Variants in NTF4 observed in about 807,000 individuals in gnomAD.
NTF4 encodes the protein neurotrophin-4.
NTF4 carries 2 observed loss-of-function variants against 4.4 expected under a neutral mutation model. That is an observed-to-expected ratio of 0.46 (90% confidence interval 0.19 to 1.44). NTF4 has a LOEUF of 1.44. Ranked by LOEUF, NTF4 falls within the 40% of genes most tolerant of loss-of-function variation. The pLI, the probability that NTF4 is intolerant of heterozygous loss-of-function variation, is 0.26. For missense variants in NTF4, 260 were observed against 293.0 expected (o/e 0.89, Z 0.82); for synonymous variants, 127 against 122.0 (o/e 1.04, Z -0.27).
chr19:49,064,482 C>T (rs1330903966), upstream of NTF4: 2 of 160,630 alleles, frequency 1.2e-5, no homozygotes, highest in Non-Finnish European at 2.7e-5. Flanking sequence ...GCCCTCCTCT[C>T]TCAGACCCAG....
chr19:49,060,827 T>A (rs1431065400), downstream of NTF4: 2 of 174,154 alleles, frequency 1.1e-5, no homozygotes, highest in African/African-American at 4.8e-5. Context: ...CAGAATATTC[T>A]AAGTCAACCT....
downstream of NTF4, chr19:49,058,659 T>C (rs532753982): frequency 1.0e-4 from 32 of 307,428 alleles, 1 homozygote; most frequent in South Asian, 6.5e-4. Context: ...ATGCCATGGG[T>C]AACGTAGCTG....
chr19:49,061,893 C>T lies in NTF4; in HGVS notation c.105G>A (p.Leu35=), dbSNP rs2040153080. The T allele has an allele frequency of 6.6e-7, 1 of 1,519,632 alleles. No homozygotes were observed. 94.1% of individuals were successfully genotyped at this position (1,519,632 alleles called of 1,614,324 possible). A position where few individuals can be genotyped will look rare whatever the true frequency, so the allele number is the denominator to read the frequency against. ...GGGAGAGAAGGTCCCACTCAGGGGCCAGAAAAGGGGGCAATGTTGAGGGTG... is the reference window on the plus strand; with the variant it reads ...GGGAGAGAAGGTCCCACTCAGGGGCTAGAAAAGGGGGCAATGTTGAGGGTG... The change falls in exon 1 of 1, where the codon CTG becomes CTA. Residue 35 remains leucine, a synonymous_variant. Transcript: ENST00000593537. The surrounding 1 kb of genome is among the most constrained non-coding windows in gnomAD (Gnocchi z 4.9).
At position 49,061,907 on chromosome 19, in the gene NTF4, A is replaced by G; in HGVS notation, c.91T>C (p.Leu31=). ...CACTCAGGGGCCAGAAAAGGGGGCA[A>G]TGTTGAGGGTGGGGGTTGGGACTCA... The change falls in exon 1 of 1, where the codon TTG becomes CTG. Residue 31 remains leucine (L), a synonymous_variant. Transcript: ENST00000593537. This position sits in a 1 kb window ranked among gnomAD's most constrained non-coding sequence, Gnocchi z 4.9. 1 of 1,487,376 alleles carries G rather than the reference A, an allele frequency of 6.7e-7. No homozygotes were observed. The highest frequency in any genetic ancestry group is 9.1e-7 in the Non-Finnish European group (1 of 1,096,690). The allele number at this position is 1,487,376 out of a possible 1,614,324, so 92.1% of individuals were successfully genotyped here.
chr19:49,063,847 G>A (rs1030638911), upstream of NTF4: 38 of 152,342 alleles, frequency 2.5e-4, no homozygotes, highest in African/African-American at 8.4e-4. Context: ...TCTCAGGAGA[G>A]GGAGGGGGCA....
chr19:49,061,514 C>T lies in NTF4; in HGVS notation c.484G>A (p.Asp162Asn). ...CACTCAGATACCCAGTGCCTCCTGT[C>T]CACTCCCCGGCAGCCCCCTCCACCT... Residue 162 changes from aspartate to asparagine, a missense_variant, in exon 1 of 1, where the codon GAC becomes AAC. Transcript: ENST00000593537. The surrounding 1 kb of genome is among the most constrained non-coding windows in gnomAD (Gnocchi z 4.9). 1.2e-6 allele frequency: 2 copies of T among 1,614,184 alleles called. No homozygotes were observed. Among genetic ancestry groups the T allele is most frequent in the Non-Finnish European group, 1.7e-6 (2 of 1,180,032 alleles).
chr19:49,064,973 C>G (rs905902200), upstream of NTF4: 30 of 152,322 alleles, frequency 2.0e-4, no homozygotes, highest in African/African-American at 6.3e-4. Context: ...CTTCGGCTCC[C>G]GCGGCTGCCC....
At chr19:49,060,002 A>C (rs2040113167), downstream of NTF4, among the ~76,000 whole-genome samples, 1 of 125,160 alleles carries the variant, frequency 8.0e-6, no homozygotes, top group Admixed American at 1.0e-4. Context: ...ACACCACTGC[A>C]CTCCAGCCTG....
At chr19:49,058,470 T>G, downstream of NTF4, 1 of 602,518 alleles carries the variant, frequency 1.7e-6, no homozygotes, top group Admixed American at 3.3e-5. Context: ...GCATCCAAAT[T>G]CCCTGGCGCC....
upstream of NTF4, among the ~76,000 whole-genome samples, chr19:49,062,893 G>A (rs1008069021): frequency 4.6e-5 from 7 of 152,290 alleles, no homozygotes; most frequent in Middle Eastern, 3.4e-3. Context: ...TTTGTGCCCG[G>A]TCACACAGCC....
At chr19:49,059,103 C>A (rs2040102216), downstream of NTF4, among the ~76,000 whole-genome samples, 1 of 152,120 alleles carries the variant, frequency 6.6e-6, no homozygotes, top group African/African-American at 2.4e-5. Context: ...CTGCCCCCAG[C>A]ACCTCAGGAC....
downstream of NTF4, among the ~76,000 whole-genome samples, chr19:49,059,786 G>T (rs1011354797): frequency 2.6e-5 from 4 of 152,066 alleles, no homozygotes; most frequent in Non-Finnish European, 5.9e-5. Flanking sequence ...AGTGGCTCAT[G>T]CCCGTAATCC....
At chr19:49,059,085 C>T (rs746645513), downstream of NTF4, among the ~76,000 whole-genome samples, 1 of 152,062 alleles carries the variant, frequency 6.6e-6, no homozygotes, top group Non-Finnish European at 1.5e-5. Context: ...CAGACAGAGA[C>T]CCCTGCACTG....
In NTF4 at chr19:49,061,651, C is replaced by T. The variant is rs774223674; in HGVS notation, c.347G>A (p.Arg116His). 9.9e-6 allele frequency: 16 copies of T among 1,613,558 alleles called. No homozygotes were observed. Among genetic ancestry groups the T allele is most frequent in the African/African-American group, 5.3e-5 (4 of 74,946 alleles). The stretch of plus-strand genomic sequence containing the variant: ...CACCTCGCCCAACACCTCCACCTCG[C>T]GCCCACGCAAGTCCACAGCGGTCCG... Residue 116 changes from arginine (R) to histidine (H), a missense_variant, in exon 1 of 1, where the codon CGC becomes CAC. By Grantham distance (29) the Arg-to-His change is conservative. Transcript: ENST00000593537. This position sits in a 1 kb window ranked among gnomAD's most constrained non-coding sequence, Gnocchi z 4.9.
downstream of NTF4, chr19:49,060,643 T>TG (rs2040119934): frequency 6.6e-6 from 1 of 152,144 alleles, no homozygotes; most frequent in African/African-American, 2.4e-5. Flanking sequence ...GCCATCAAGC[T>TG]GGAAAATTTT....
downstream of NTF4, chr19:49,058,332 G>T (rs1354387794): frequency 6.8e-7 from 1 of 1,465,732 alleles, no homozygotes; most frequent in South Asian, 1.4e-5. Flanking sequence ...GAGGTAGAGG[G>T]TCCGCGACCG....
At chr19:49,058,464 C>T (rs2040094403), downstream of NTF4, 4 of 617,254 alleles carry the variant, frequency 6.5e-6, no homozygotes, top group Admixed American at 6.6e-5. Context: ...TCCCTGGCAT[C>T]CAAATTCCCT....
downstream of NTF4, among the ~76,000 whole-genome samples, chr19:49,059,239 G>A (rs1432023467): frequency 2.0e-5 from 3 of 152,058 alleles, no homozygotes; most frequent in East Asian, 5.8e-4. Context: ...AACCCTTCCC[G>A]CACGTGCTGA....
upstream of NTF4, chr19:49,063,868 G>A (rs1421621136): frequency 6.6e-6 from 1 of 152,168 alleles, no homozygotes; most frequent in African/African-American, 2.4e-5. Flanking sequence ...ACCACCTAGG[G>A]GAAGAAAAGA....
Sources: gnomAD v4.1 joint callset for allele counts (sites outside exome capture counted in the v4.1 genomes callset) on GRCh38, gnomAD v4.1.1 for gene constraint, Gnocchi (gnomAD v3.1) non-coding constraint, MANE v1.5 for transcripts, NCBI Gene and HGNC (gene_info 2026-07-23, HGNC 2026-07-21) for gene names.